The following EFHC2 variants were observed in gnomAD, a reference collection of about 807,000 sequenced individuals.
EFHC2 encodes EF-hand domain containing 2.
Under a neutral mutation model 52.7 loss-of-function variants are expected in EFHC2, and 18 were observed. The ratio of observed to expected loss-of-function variants is 0.34; its 90% confidence interval spans 0.24 to 0.51. EFHC2 has a LOEUF of 0.51. Among genes scored for constraint, EFHC2 ranks in the 20% least tolerant of loss-of-function variants. The probability of loss-of-function intolerance (pLI) is 0.97; values close to 1 mark genes in which losing one functional copy is unlikely to be tolerated. For missense variants in EFHC2, 513 were observed against 562.5 expected, an observed-to-expected ratio of 0.91 and a Z score of 0.89; for synonymous variants, 203 against 204.1, an observed-to-expected ratio of 0.99 and a Z score of 0.04.
chrX:44,154,261 A>C (rs1443980343), intron 14 of EFHC2, among the ~76,000 whole-genome samples: 1 of 112,925 alleles, frequency 8.9e-6, no homozygotes, highest in Non-Finnish European at 1.9e-5. Flanking sequence ...GTGGCAAGCC[A>C]CAAGTGCCAG....
At chrX:44,273,055 C>T (rs1219964948) in intron 2 of EFHC2, among the ~76,000 whole-genome samples, 1 of 112,459 alleles carries the variant, frequency 8.9e-6, no homozygotes, top group Non-Finnish European at 1.9e-5. Context: ...CTGGTTAAAA[C>T]AAGGAAATGA....
At chrX:44,308,649 G>C (rs1250665916) in intron 2 of EFHC2, among the ~76,000 whole-genome samples, 1 of 111,497 alleles carries the variant, frequency 9.0e-6, no homozygotes, top group East Asian at 2.8e-4. Context: ...CCAAGCCGCA[G>C]GATAAAAACA....
intron 2 of EFHC2, among the ~76,000 whole-genome samples, chrX:44,275,679 C>T (rs1312568626): frequency 9.3e-6 from 1 of 107,578 alleles, no homozygotes; most frequent in Non-Finnish European, 1.9e-5. Flanking sequence ...TTTGGGAAGC[C>T]GACGCAGGTG....
At chrX:44,279,520 TAAATA>T (rs2037685864) in intron 2 of EFHC2, among the ~76,000 whole-genome samples, 1 of 111,098 alleles carries the variant, frequency 9.0e-6, no homozygotes, top group Admixed American at 9.6e-5. Flanking sequence ...AAGAAAAATA[TAAATA>T]AAATGAGAAA....
At chrX:44,312,281 T>C (rs1366161117) in intron 2 of EFHC2, among the ~76,000 whole-genome samples, 1 of 112,181 alleles carries the variant, frequency 8.9e-6, no homozygotes, top group Admixed American at 9.5e-5. Flanking sequence ...GTAACGCATA[T>C]GTTAATTAGC....
intron 4 of EFHC2, among the ~76,000 whole-genome samples, chrX:44,253,483 T>G (rs1463540049): frequency 9.0e-6 from 1 of 111,395 alleles, no homozygotes; most frequent in African/African-American, 3.3e-5. Context: ...GGTTTTCCCC[T>G]CACAGTGTAA....
At chrX:44,176,620 A>G (rs1602135739) in intron 12 of EFHC2, among the ~76,000 whole-genome samples, 1 of 112,313 alleles carries the variant, frequency 8.9e-6, no homozygotes, top group Non-Finnish European at 1.9e-5. Flanking sequence ...TTCAAGATGC[A>G]GATTCTTGGT....
At chrX:44,306,945 G>A (rs762110337) in intron 2 of EFHC2, among the ~76,000 whole-genome samples, 41 of 112,160 alleles carry the variant, frequency 3.7e-4, no homozygotes, top group African/African-American at 1.3e-3. Context: ...AGGGGCTATG[G>A]AGCCTGAATC....
In EFHC2 at chrX:44,235,437, T is replaced by C. The variant is rs2037311918; in HGVS notation, c.1291A>G (p.Lys431Glu). The change falls in exon 9 of 15, where the codon AAA becomes GAA. Residue 431 changes from lysine (K) to glutamate (E), a missense_variant. Lys to Glu is a moderately conservative substitution (Grantham distance 56). Coordinates refer to ENST00000420999, the MANE Select transcript of EFHC2 (RefSeq NM_025184.4). ...KFMEKDSYGS[K>E]SNILRFFAKL... ...GCAAAAAAACGGAGTATATTGCTTTTGGAGCCATAGCTAAATGGAAGAGAA... is the reference window on the plus strand; with the variant it reads ...GCAAAAAAACGGAGTATATTGCTTTCGGAGCCATAGCTAAATGGAAGAGAA... The C allele has an allele frequency of 8.4e-7, 1 of 1,191,302 alleles. No individual in the cohort carries two copies. The highest frequency in any genetic ancestry group is 3.0e-5 in the East Asian group (1 of 33,417).
chrX:44,291,015 T>A (rs1382103849), intron 2 of EFHC2, among the ~76,000 whole-genome samples: 1 of 112,108 alleles, frequency 8.9e-6, no homozygotes, highest in African/African-American at 3.2e-5. Flanking sequence ...TCTTTCAGTA[T>A]CATCCCATCT....
intron 1 of EFHC2, among the ~76,000 whole-genome samples, chrX:44,330,025 C>T (rs73198105): frequency 0.37 from 35,936 of 97,689 alleles, 5,281 homozygotes; most frequent in South Asian, 0.48. Flanking sequence ...GAGGCAGGTG[C>T]ATCTCTTGAG....
intron 14 of EFHC2, among the ~76,000 whole-genome samples, chrX:44,160,687 C>T (rs910992655): frequency 3.6e-4 from 40 of 111,775 alleles, no homozygotes; most frequent in African/African-American, 1.1e-3. Context: ...TTTGGGAGGC[C>T]GAGGCAGGCG....
At chrX:44,283,756 C>G (rs1295403315) in intron 2 of EFHC2, among the ~76,000 whole-genome samples, 5 of 105,540 alleles carry the variant, frequency 4.7e-5, no homozygotes, top group Non-Finnish European at 1.9e-5. Flanking sequence ...GGAGTACGTT[C>G]CGGGCTCGGA....
chrX:44,334,406 T>C (rs1032993043), intron 1 of EFHC2, among the ~76,000 whole-genome samples: 2 of 112,576 alleles, frequency 1.8e-5, no homozygotes, highest in African/African-American at 3.2e-5. Flanking sequence ...TGATCTAGCA[T>C]AGTAGACAGC....
At chrX:44,317,370 A>G (rs2037989956) in intron 1 of EFHC2, among the ~76,000 whole-genome samples, 1 of 112,654 alleles carries the variant, frequency 8.9e-6, no homozygotes, top group African/African-American at 3.2e-5. Flanking sequence ...GTTTACTCAT[A>G]TAGCCTCCAG....
intron 11 of EFHC2, among the ~76,000 whole-genome samples, chrX:44,180,468 G>A (rs939934926): frequency 9.8e-5 from 11 of 112,074 alleles, no homozygotes; most frequent in African/African-American, 3.2e-4. Flanking sequence ...GGGGCCAGGC[G>A]TGGTGGCTCA....
chrX:44,200,149 T>C (rs1051733092), intron 11 of EFHC2, among the ~76,000 whole-genome samples: 5 of 111,886 alleles, frequency 4.5e-5, no homozygotes, highest in Admixed American at 9.5e-5. Context: ...GAGGGAAATA[T>C]GGGAACTCTA....
chrX:44,328,741 A>G (rs2038067736), intron 1 of EFHC2, among the ~76,000 whole-genome samples: 1 of 111,570 alleles, frequency 9.0e-6, no homozygotes, highest in Non-Finnish European at 1.9e-5. Flanking sequence ...AACCAATCAG[A>G]TGCTTGCATA....
At position 44,316,167 on chromosome X, in the gene EFHC2, C is replaced by T. The variant is rs180752775; in HGVS notation, c.43-3411G>A. Among the ~76,000 whole-genome samples the T allele has an allele frequency of 1.2e-3, 136 of 111,954 alleles. 1 individual carries two copies. Among genetic ancestry groups the T allele is most frequent in the African/African-American group, 4.2e-3 (128 of 30,839 alleles). ...GTCCCCCAGAATTCCACAATTTGTT[C>T]ATGTGTACCCTCCTCTTTGGTCAGA... On this transcript the variant is annotated intron_variant, in intron 1 of 14. Transcript: ENST00000420999.
Sources: gnomAD v4.1 joint callset for allele counts (sites outside exome capture counted in the v4.1 genomes callset) on GRCh38, gnomAD v4.1.1 for gene constraint, MANE v1.5 for transcripts, NCBI Gene and HGNC (gene_info 2026-07-23, HGNC 2026-07-21) for gene names.